SQOR: variants seen among roughly 807,000 people sequenced by gnomAD.
SQOR encodes sulfide:quinone oxidoreductase, mitochondrial.
SQOR carries 39 observed loss-of-function variants against 48.6 expected under a neutral mutation model. That is an observed-to-expected ratio of 0.80 (90% CI 0.62 to 1.05). The LOEUF (loss-of-function observed/expected upper bound fraction) is 1.05. Ranked by LOEUF, SQOR falls within the 50% of genes least tolerant of loss-of-function variation. The probability of loss-of-function intolerance (pLI) is 0.00; values close to 1 mark genes in which losing one functional copy is unlikely to be tolerated. For missense variants in SQOR, 561 were observed against 559.9 expected (o/e 1.00, Z -0.02); for synonymous variants, 220 against 206.2 (o/e 1.07, Z -0.57).
At chr15:45,661,289 T>TAGAAAAAAAAAAAAAA (rs777334925) in intron 2 of SQOR, among the ~76,000 whole-genome samples, 4 of 84,376 alleles carry the variant, frequency 4.7e-5, no homozygotes, top group African/African-American at 1.8e-4. Flanking sequence ...AGACTCTGTC[T>TAGAAAAAAAAAAAAAA]TAAAAAAAAA....
chr15:45,649,909 C>G (rs1889438325), intron 1 of SQOR, among the ~76,000 whole-genome samples: 1 of 152,064 alleles, frequency 6.6e-6, no homozygotes, highest in South Asian at 2.1e-4. Flanking sequence ...CTGGCGTGAC[C>G]TCAGCTCACT....
intron 3 of SQOR, among the ~76,000 whole-genome samples, chr15:45,663,505 C>T (rs1052760329): frequency 6.6e-6 from 1 of 152,106 alleles, no homozygotes; most frequent in Non-Finnish European, 1.5e-5. Flanking sequence ...GTGGTTCACA[C>T]CTGTAATCCC....
intron 6 of SQOR, among the ~76,000 whole-genome samples, chr15:45,679,798 A>G (rs960517660): frequency 1.3e-5 from 2 of 152,236 alleles, no homozygotes; most frequent in African/African-American, 4.8e-5. Flanking sequence ...CATGTGATCC[A>G]CAGATTTTAC....
chr15:45,679,169 A>G (rs1890084151), intron 6 of SQOR, among the ~76,000 whole-genome samples: 1 of 152,200 alleles, frequency 6.6e-6, no homozygotes, highest in African/African-American at 2.4e-5. Context: ...CCTTTGAATT[A>G]TAGGATTTCA....
chr15:45,659,211 A>AGTGTGTGT, intron 2 of SQOR, 54 bp downstream of exon 2: 1 of 1,099,238 alleles, frequency 9.1e-7, no homozygotes, highest in South Asian at 2.0e-5. Context: ...TGTGTGTGTG[A>AGTGTGTGT]GTGTGTGTGT....
rs1160529671 is a variant in SQOR, at chr15:45,659,111, A to G, written c.188A>G (p.Lys63Arg). The G allele has an allele frequency of 6.3e-6, 10 of 1,577,956 alleles. No homozygotes were observed. In the African/African-American group the frequency reaches 1.3e-4, roughly 21 times the overall value. ...GGAATCACCATGGCTGCCCGCATGA[A>G]GAGGAAAGTGGGTGCAGAGAATGTG... ...SGGITMAARM[K>R]RKVGAENVAI... Residue 63 changes from lysine (K) to arginine (R), a missense_variant, in exon 2 of 10, where the codon AAG (lysine) becomes AGG (arginine). Transcript: ENST00000260324.
intron 6 of SQOR, among the ~76,000 whole-genome samples, chr15:45,682,040 T>G (rs1164726131): frequency 6.6e-6 from 1 of 152,212 alleles, no homozygotes; most frequent in Non-Finnish European, 1.5e-5. Context: ...CTTTACAAGT[T>G]TAAGGGATGC....
At chr15:45,632,421 C>G (rs1327082996), upstream of SQOR, among the ~76,000 whole-genome samples, 1 of 151,930 alleles carries the variant, frequency 6.6e-6, no homozygotes, top group Non-Finnish European at 1.5e-5. Flanking sequence ...GGGGTTTCAT[C>G]ATGCTGGCCA....
intron 2 of SQOR, among the ~76,000 whole-genome samples, chr15:45,660,139 G>T (rs1375159735): frequency 1.3e-5 from 2 of 152,206 alleles, no homozygotes; most frequent in African/African-American, 4.8e-5. Flanking sequence ...TTGGTGGTTT[G>T]CCTAATGTTT....
chr15:45,647,673 T>C (rs1165989085), intron 1 of SQOR, among the ~76,000 whole-genome samples: 1 of 149,846 alleles, frequency 6.7e-6, no homozygotes, highest in African/African-American at 2.4e-5. Context: ...CGCAGCACTT[T>C]GGGAGGCCAA....
chr15:45,653,700 C>T (rs1031487943), intron 1 of SQOR, among the ~76,000 whole-genome samples: 2 of 152,176 alleles, frequency 1.3e-5, no homozygotes, highest in African/African-American at 4.8e-5. Flanking sequence ...CACCTTGAGT[C>T]ACCTTACTAG....
intron 6 of SQOR, among the ~76,000 whole-genome samples, chr15:45,678,264 C>T (rs1362065260): frequency 2.0e-5 from 3 of 152,142 alleles, no homozygotes; most frequent in Non-Finnish European, 4.4e-5. Flanking sequence ...AGTTAGCATC[C>T]ATTGATGATC....
At chr15:45,679,166 A>T (rs1055795722) in intron 6 of SQOR, among the ~76,000 whole-genome samples, 1 of 152,194 alleles carries the variant, frequency 6.6e-6, no homozygotes, top group Non-Finnish European at 1.5e-5. Context: ...TCCCCTTTGA[A>T]TTATAGGATT....
intron 7 of SQOR, among the ~76,000 whole-genome samples, chr15:45,686,765 A>G (rs143289764): frequency 2.0e-3 from 298 of 152,304 alleles, no homozygotes; most frequent in African/African-American, 6.9e-3. Context: ...CTTTCCTCAA[A>G]CGTGAATCCC....
intron 7 of SQOR, among the ~76,000 whole-genome samples, chr15:45,685,207 C>T (rs1022085338): frequency 6.6e-6 from 1 of 152,166 alleles, no homozygotes; most frequent in Non-Finnish European, 1.5e-5. Flanking sequence ...TTACTCTTCT[C>T]TTCAATGTCC....
chr15:45,646,980 T>G (rs1345105718), intron 1 of SQOR, among the ~76,000 whole-genome samples: 1 of 152,240 alleles, frequency 6.6e-6, no homozygotes, highest in East Asian at 1.9e-4. Flanking sequence ...CTTTTCAGTT[T>G]ATTTAGTAAG....
rs571594350 is a variant in SQOR, at chr15:45,650,096, G to A, written c.-17-8811G>A. Among the ~76,000 whole-genome samples, 8 of 152,076 alleles carry A rather than the reference G, an allele frequency of 5.3e-5. No homozygotes were observed. The East Asian group carries it at 1.6e-3, about 30-fold the overall frequency. Reference sequence around the variant, plus strand: ...GACCTCAAGTGATCCATCTGCCTCAGCCTCCCAAAGTGCTGGGATTACAGG... The same window carrying A: ...GACCTCAAGTGATCCATCTGCCTCAACCTCCCAAAGTGCTGGGATTACAGG... On this transcript the variant is annotated intron_variant, in intron 1 of 9. Transcript: ENST00000260324.
In SQOR at chr15:45,685,667, G is replaced by C. The variant is rs192425148; in HGVS notation, c.1049-2670G>C. ...CACCTCTCTGTGGTGGCACCCACTGGATGTCTCCACTCCTTTTCCATTGGC... is the reference window on the plus strand; with the variant it reads ...CACCTCTCTGTGGTGGCACCCACTGCATGTCTCCACTCCTTTTCCATTGGC... On this transcript the variant is annotated intron_variant, in intron 7 of 9. Coordinates refer to ENST00000260324, the MANE Select transcript of SQOR (RefSeq NM_021199.4). Among the ~76,000 whole-genome samples the C allele has an allele frequency of 3.9e-3, 587 of 152,208 alleles. 5 individuals carry two copies. Among genetic ancestry groups the C allele is most frequent in the African/African-American group, 0.013 (559 of 41,524 alleles).
intron 9 of SQOR, among the ~76,000 whole-genome samples, chr15:45,690,140 G>A (rs569523200): frequency 3.5e-5 from 5 of 141,844 alleles, no homozygotes; most frequent in African/African-American, 5.3e-5. Flanking sequence ...ATCTCAGCTC[G>A]CTGCAACCTC....
Sources: allele counts gnomAD v4.1 joint callset (sites outside exome capture counted in the v4.1 genomes callset), GRCh38; gene constraint gnomAD v4.1.1; transcripts MANE v1.5; gene names NCBI Gene and HGNC (gene_info 2026-07-23, HGNC 2026-07-21).